KCNK12: variants seen among roughly 807,000 people sequenced by gnomAD.
KCNK12 encodes the protein potassium channel subfamily K member 12.
KCNK12 carries 6 observed loss-of-function variants against 25.3 expected under a neutral mutation model. The observed-to-expected ratio is 0.24, with a 90% CI of 0.13 to 0.47. The LOEUF (loss-of-function observed/expected upper bound fraction) is 0.47, where lower values mean the gene tolerates loss of function less well. Among genes scored for constraint, KCNK12 ranks in the 20% least tolerant of loss-of-function variants. The pLI is 0.99. For missense variants in KCNK12, 444 were observed against 661.7 expected (o/e 0.67, Z 3.61); for synonymous variants, 331 against 311.1 (o/e 1.06, Z -0.67).
In KCNK12 at chr2:47,525,444, G is replaced by C. The variant is rs1339468125; in HGVS notation, c.392-3636C>G. Among the ~76,000 whole-genome samples the C allele has an allele frequency of 3.3e-5, 5 of 152,226 alleles. No individual in the cohort carries two copies. In the South Asian group the frequency reaches 6.2e-4, roughly 19 times the overall value. On this transcript the variant is annotated intron_variant, in intron 1 of 1. Coordinates refer to ENST00000327876, the MANE Select transcript of KCNK12 (RefSeq NM_022055.2). The surrounding 1 kb of genome is among the most constrained non-coding windows in gnomAD (Gnocchi z 4.1). ...CTACCCAGAGTGGAGCATGGTGAGG[G>C]TTCTGGGAGAACCCGGCAGTGTCCC...
chr2:47,565,266 G>C lies in KCNK12; in HGVS notation c.391+4675C>G, dbSNP rs528585211. On this transcript the variant is annotated intron_variant, in intron 1 of 1. Coordinates refer to ENST00000327876, the MANE Select transcript of KCNK12 (RefSeq NM_022055.2). The surrounding 1 kb of genome is among the most constrained non-coding windows in gnomAD (Gnocchi z 5.0). ...CAGATATCAAAACTATCTCCAGCTG[G>C]ATTACATACATGTTAGAAGAAAGTT... is the stretch of plus-strand genomic sequence containing the variant. 6.6e-6 allele frequency: 1 copy of C among 152,340 alleles called. No individual in the cohort carries two copies. The highest frequency in any genetic ancestry group is 2.1e-4 in the South Asian group (1 of 4,824). The allele number at this position is 152,340 out of a possible 1,614,324, so 9.4% of individuals were successfully genotyped here.
chr2:47,519,763 CTA>C lies in KCNK12; in HGVS notation c.*1142_*1143del, dbSNP rs1347332916. On this transcript the variant is annotated 3_prime_UTR_variant, in exon 2 of 2. Transcript: ENST00000327876. ...GATAAACAATATTTAGAAAGGGATT[CTA>C]TCTTTCCTGACCCCAAACACATCAT... 1.3e-5 allele frequency: 2 copies of C among 152,226 alleles called. No individual in the cohort carries two copies. The highest frequency in any genetic ancestry group is 3.8e-4 in the East Asian group (2 of 5,200). 9.4% of individuals were successfully genotyped at this position (152,226 alleles called of 1,614,324 possible).
At position 47,521,494 on chromosome 2, in the gene KCNK12, T is replaced by A. The variant is rs749917249; in HGVS notation, c.706A>T (p.Thr236Ser). 3 of 1,602,712 alleles carry A rather than the reference T, an allele frequency of 1.9e-6. No individual in the cohort carries two copies. The Admixed American group carries it at 5.1e-5, about 27-fold the overall frequency. Residue 236 changes from threonine (T) to serine (S), a missense_variant, in exon 2 of 2, where the codon ACC becomes TCC. Around this residue, in one of 8 missense-constraint regions of KCNK12, gnomAD observed 56 missense variants for 135.7 expected, o/e 0.41. Transcript: ENST00000327876. Reference sequence around the variant, plus strand: ...ACGTAGTCCCAGCCCTCCACGCTGGTGTACATGGCCGAGGCGCAGCAGGAC... The same window carrying A: ...ACGTAGTCCCAGCCCTCCACGCTGGAGTACATGGCCGAGGCGCAGCAGGAC... ...LLSCCASAMYTSVEGWDYVDS... is the reference protein window; with the variant it reads ...LLSCCASAMYSSVEGWDYVDS...
At chr2:47,539,851 C>T (rs1199771389) in intron 1 of KCNK12, among the ~76,000 whole-genome samples, 1 of 152,352 alleles carries the variant, frequency 6.6e-6, no homozygotes, top group South Asian at 2.1e-4. Flanking sequence ...CCATCCACAG[C>T]TGAAGTGCTC....
intron 1 of KCNK12, among the ~76,000 whole-genome samples, chr2:47,567,588 C>T (rs569866676): frequency 6.6e-6 from 1 of 152,176 alleles, no homozygotes; most frequent in South Asian, 2.1e-4. Context: ...CCACTGACCC[C>T]AGAATATCCC....
In KCNK12 at chr2:47,560,506, G is replaced by A. The variant is rs539395159; in HGVS notation, c.391+9435C>T. On this transcript the variant is annotated intron_variant, in intron 1 of 1. Coordinates refer to ENST00000327876, the MANE Select transcript of KCNK12 (RefSeq NM_022055.2). This position sits in a 1 kb window ranked among gnomAD's most constrained non-coding sequence, Gnocchi z 4.7. ...CCTGCAGACCCCAGGCTGGGCTATGGTTCTTCCCCCTCTGTGGAACTGCAC... is the reference window on the plus strand; with the variant it reads ...CCTGCAGACCCCAGGCTGGGCTATGATTCTTCCCCCTCTGTGGAACTGCAC... 6.6e-6 allele frequency among the ~76,000 whole-genome samples: 1 copy of A among 152,270 alleles called. No homozygotes were observed. The highest frequency in any genetic ancestry group is 2.4e-5 in the African/African-American group (1 of 41,558).
rs1444397276 is a variant in KCNK12, at chr2:47,520,874, G to GGA, written c.*31_*32dup. The GGA allele has an allele frequency of 8.1e-7, 1 of 1,233,726 alleles. No individual in the cohort carries two copies. Among genetic ancestry groups the GGA allele is most frequent in the Non-Finnish European group, 1.0e-6 (1 of 986,658 alleles). The allele number at this position is 1,233,726 out of a possible 1,614,324, so 76.4% of individuals were successfully genotyped here. ...ACCACGCCCGGCGGCCCCGCGGCCTGGAGAGGGTCCCCGGCGCGGGCGGAC... is the reference window on the plus strand; with the variant it reads ...ACCACGCCCGGCGGCCCCGCGGCCTGGAGAGAGGGTCCCCGGCGCGGGCGGAC... On this transcript the variant is annotated 3_prime_UTR_variant, in exon 2 of 2. Coordinates refer to ENST00000327876, the MANE Select transcript of KCNK12 (RefSeq NM_022055.2). This position sits in a 1 kb window ranked among gnomAD's most constrained non-coding sequence, Gnocchi z 5.0.
chr2:47,563,052 C>G (rs1040093846), intron 1 of KCNK12: 3 of 233,208 alleles, frequency 1.3e-5, no homozygotes, highest in African/African-American at 6.6e-5. Context: ...TTGTTGTTTC[C>G]AAGATCCTCT....
rs1223160781 is a variant in KCNK12 at position 47,518,803 on chromosome 2, T to C, written c.*2104A>G. On this transcript the variant is annotated 3_prime_UTR_variant, in exon 2 of 2. Transcript: ENST00000327876. This position sits in a 1 kb window ranked among gnomAD's most constrained non-coding sequence, Gnocchi z 4.1. ...TCATGGGGATCTCTTCTTCCCTCTC[T>C]GGATGGCTCTGATCCCCAAGTTATT... 6.6e-6 allele frequency: 1 copy of C among 152,284 alleles called. No individual in the cohort carries two copies. The highest frequency in any genetic ancestry group is 1.9e-4 in the East Asian group (1 of 5,202). 9.4% of individuals were successfully genotyped at this position (152,284 alleles called of 1,614,324 possible).
intron 1 of KCNK12, among the ~76,000 whole-genome samples, chr2:47,546,526 G>A (rs1230227931): frequency 6.6e-6 from 1 of 152,154 alleles, no homozygotes; most frequent in Non-Finnish European, 1.5e-5. Context: ...GTGTGGTAGC[G>A]AGCACCTATA....
Position 47,560,437 on chromosome 2 carries a change from G to C in KCNK12, c.391+9504C>G, listed in dbSNP as rs1170052993. On this transcript the variant is annotated intron_variant, in intron 1 of 1. Transcript: ENST00000327876. The surrounding 1 kb of genome is among the most constrained non-coding windows in gnomAD (Gnocchi z 4.7). ...CCCAGAGTCCCCAAACTGTGCTTCA[G>C]CTCTCACTGATGCCTCCTCATCCTC... 6.6e-6 allele frequency among the ~76,000 whole-genome samples: 1 copy of C among 152,184 alleles called. No individual in the cohort carries two copies. Among genetic ancestry groups the C allele is most frequent in the Non-Finnish European group, 1.5e-5 (1 of 68,030 alleles).
In KCNK12 at chr2:47,532,529, C is replaced by CTTTTTCTTTT. The variant is rs1558552076; in HGVS notation, c.392-10722_392-10721insAAAAGAAAAA. ...GGCACCCACCACCACACCTGGCAACCGTTCTTTTGTTGCTTTGTCTTTCAT... is the reference window on the plus strand; with the variant it reads ...GGCACCCACCACCACACCTGGCAACCTTTTTCTTTTGTTCTTTTGTTGCTTTGTCTTTCAT... On this transcript the variant is annotated intron_variant, in intron 1 of 1. Transcript: ENST00000327876. Among the ~76,000 whole-genome samples the CTTTTTCTTTT allele has an allele frequency of 7.2e-5, 11 of 152,128 alleles. No homozygotes were observed. In the East Asian group the frequency reaches 2.1e-3, roughly 29 times the overall value.
At position 47,516,657 on chromosome 2, in the gene KCNK12, T is replaced by C. The variant is rs1477612408; in HGVS notation, c.*4250A>G. The C allele has an allele frequency of 6.6e-6, 1 of 152,196 alleles. No homozygotes were observed. Among genetic ancestry groups the C allele is most frequent in the Admixed American group, 6.5e-5 (1 of 15,280 alleles). 9.4% of individuals were successfully genotyped at this position (152,196 alleles called of 1,614,324 possible). ...TTGGAATGCTGCTCAGAAAAATAGATGTATTGTTTGAGAAACCCTGCAGGC... is the reference window on the plus strand; with the variant it reads ...TTGGAATGCTGCTCAGAAAAATAGACGTATTGTTTGAGAAACCCTGCAGGC... On this transcript the variant is annotated 3_prime_UTR_variant, in exon 2 of 2. Transcript: ENST00000327876.
In KCNK12 at chr2:47,570,142, C is replaced by T. The variant is rs1399544002; in HGVS notation, c.190G>A (p.Gly64Ser). The T allele has an allele frequency of 4.1e-6, 6 of 1,454,682 alleles. No individual in the cohort carries two copies. Among genetic ancestry groups the T allele is most frequent in the East Asian group, 3.0e-5 (1 of 33,668 alleles). 90.1% of individuals were successfully genotyped at this position (1,454,682 alleles called of 1,614,324 possible). A position where few individuals can be genotyped will look rare whatever the true frequency, so the allele number is the denominator to read the frequency against. Reference protein sequence around the residue: ...ATVFSALESPGEAEARARWGA... With the variant: ...ATVFSALESPSEAEARARWGA... ...CAGCGCGCCCGCGCCTCCGCCTCGC[C>T]GGGGCTCTCGAGCGCCGAGAAGACT... Residue 64 changes from glycine (G) to serine (S), a missense_variant, in exon 1 of 2, where the codon GGC becomes AGC. Around this residue, in one of 8 missense-constraint regions of KCNK12, gnomAD observed 106 missense variants for 142.2 expected, o/e 0.75. Transcript: ENST00000327876.
At chr2:47,558,202 G>A (rs1415733643) in intron 1 of KCNK12, among the ~76,000 whole-genome samples, 1 of 152,240 alleles carries the variant, frequency 6.6e-6, no homozygotes, top group African/African-American at 2.4e-5. Context: ...AGGAGATAGC[G>A]TTCTCATCTT....
rs184628734 is a variant in KCNK12 at position 47,551,868 on chromosome 2, A to G, written c.391+18073T>C. Among the ~76,000 whole-genome samples the G allele has an allele frequency of 1.3e-3, 205 of 152,362 alleles. 2 individuals are homozygous for G. Among genetic ancestry groups the G allele is most frequent in the Admixed American group, 0.013 (199 of 15,312 alleles). ...GTCTCACTACAGTGGCATTACAGAGAAAGCCTGGAAACATTACAAGGGAGT... is the reference window on the plus strand; with the variant it reads ...GTCTCACTACAGTGGCATTACAGAGGAAGCCTGGAAACATTACAAGGGAGT... On this transcript the variant is annotated intron_variant, in intron 1 of 1. Transcript: ENST00000327876. The surrounding 1 kb of genome is among the most constrained non-coding windows in gnomAD (Gnocchi z 5.3).
Position 47,514,739 on chromosome 2 carries a change from T to A in KCNK12, c.*6168A>T, listed in dbSNP as rs1668482939. ...GATCCTCCCACCTCAGCCCCCTGAG[T>A]CTCTTGGACTCCAGGCGTGCACCAC... On this transcript the variant is annotated 3_prime_UTR_variant, in exon 2 of 2. Transcript: ENST00000327876. This position sits in a 1 kb window ranked among gnomAD's most constrained non-coding sequence, Gnocchi z 5.0. Among the ~76,000 whole-genome samples, 1 of 151,698 alleles carries A rather than the reference T, an allele frequency of 6.6e-6. No homozygotes were observed. The highest frequency in any genetic ancestry group is 2.1e-4 in the South Asian group (1 of 4,778).
At chr2:47,532,038 C>T (rs1270964508) in intron 1 of KCNK12, among the ~76,000 whole-genome samples, 1 of 151,966 alleles carries the variant, frequency 6.6e-6, no homozygotes, top group African/African-American at 2.4e-5. Flanking sequence ...CAAAGCGCGA[C>T]TCCGTCTCAA....
Position 47,521,723 on chromosome 2 carries a change from C to T in KCNK12, c.477G>A (p.Leu159=). 3 of 1,595,420 alleles carry T rather than the reference C, an allele frequency of 1.9e-6. No individual in the cohort carries two copies. The highest frequency in any genetic ancestry group is 2.6e-6 in the Non-Finnish European group (3 of 1,173,610). The change falls in exon 2 of 2, where the codon CTG becomes CTA. Residue 159 remains leucine, a synonymous_variant. Coordinates refer to ENST00000327876, the MANE Select transcript of KCNK12 (RefSeq NM_022055.2). ...YGLFGCAGTI[L]FFNLFLERII... is the part of the protein sequence containing the mutation. ...TGCGCTCCAGGAAGAGGTTGAAGAA[C>T]AGGATGGTCCCAGCGCAGCCGAACA...
Sources: gnomAD v4.1 joint callset for allele counts (sites outside exome capture counted in the v4.1 genomes callset) on GRCh38, gnomAD v4.1.1 for gene constraint, gnomAD v4.1.1 regional missense constraint, Gnocchi (gnomAD v3.1) non-coding constraint, MANE v1.5 for transcripts, NCBI Gene and HGNC (gene_info 2026-07-23, HGNC 2026-07-21) for gene names.